The following DLGAP2 variants were observed in gnomAD, a reference collection of about 807,000 sequenced individuals.
The protein encoded by DLGAP2 is disks large-associated protein 2.
In DLGAP2, 26 loss-of-function variants were observed where a neutral mutation model predicts 100.3. That is an observed-to-expected ratio of 0.26 (90% confidence interval 0.19 to 0.36). The LOEUF (loss-of-function observed/expected upper bound fraction) is 0.36. Among genes scored for constraint, DLGAP2 ranks in the 10% least tolerant of loss-of-function variants. The pLI, the probability that DLGAP2 is intolerant of heterozygous loss-of-function variation, is 1.00. For missense variants in DLGAP2, 1,858 were observed against 1,453.2 expected (o/e 1.28, Z -4.53); for synonymous variants, 886 against 630.1 (o/e 1.41, Z -6.08).
chr8:1,380,992 T>G (rs1273697344), intron 3 of DLGAP2: 2 of 149,492 alleles, frequency 1.3e-5, no homozygotes, highest in Non-Finnish European at 3.0e-5. Flanking sequence ...AAAAGGTTAT[T>G]CTTTACATTT....
chr8:855,355 T>TACGGTCAGGA (rs1232565901), intron 1 of DLGAP2, among the ~76,000 whole-genome samples: 1 of 152,188 alleles, frequency 6.6e-6, no homozygotes, highest in Non-Finnish European at 1.5e-5. Context: ...GCGTTCTCTG[T>TACGGTCAGGA]GCTCCCCACT....
chr8:1,552,335 C>T (rs187093444), intron 5 of DLGAP2, among the ~76,000 whole-genome samples: 14 of 152,334 alleles, frequency 9.2e-5, no homozygotes, highest in East Asian at 1.9e-4. Flanking sequence ...TCCCCACATC[C>T]GCCTCCCAGT....
chr8:966,307 A>G (rs1799869522), intron 2 of DLGAP2, among the ~76,000 whole-genome samples: 1 of 152,188 alleles, frequency 6.6e-6, no homozygotes, highest in South Asian at 2.1e-4. Flanking sequence ...GTAACTTTGA[A>G]CACTTGATCA....
intron 3 of DLGAP2, among the ~76,000 whole-genome samples, chr8:1,408,601 A>G (rs1796642217): frequency 6.6e-6 from 1 of 152,186 alleles, no homozygotes; most frequent in African/African-American, 2.4e-5. Context: ...TGGAGTTTCT[A>G]AGCCTGTTTT....
intron 12 of DLGAP2, among the ~76,000 whole-genome samples, chr8:1,682,710 G>C (rs1798986124): frequency 6.6e-6 from 1 of 151,504 alleles, no homozygotes; most frequent in Non-Finnish European, 1.5e-5. Flanking sequence ...CTGGCCTCAA[G>C]TGATCTGCCC....
intron 1 of DLGAP2, among the ~76,000 whole-genome samples, chr8:848,893 G>T (rs1246153815): frequency 2.9e-5 from 4 of 135,920 alleles, no homozygotes; most frequent in African/African-American, 7.8e-5. Flanking sequence ...GCATAGGAAC[G>T]CGCGGTGCCT....
rs550719855 is a variant in DLGAP2, at chr8:772,332, A to AT, written c.18+34515dup. ...CATAATCATTATATTAATATTAATA[A>AT]TTTTTTTTGAGACAGAGTCTTGCTC... is the stretch of plus-strand genomic sequence containing the variant. On this transcript the variant is annotated intron_variant, in intron 1 of 14. Transcript: ENST00000637795. Among the ~76,000 whole-genome samples, 271 of 151,264 alleles carry AT rather than the reference A, an allele frequency of 1.8e-3. 3 individuals are homozygous for AT. Among genetic ancestry groups the AT allele is most frequent in the African/African-American group, 6.4e-3 (262 of 41,218 alleles).
intron 2 of DLGAP2, among the ~76,000 whole-genome samples, chr8:961,573 C>T (rs903288528): frequency 6.6e-6 from 1 of 152,216 alleles, no homozygotes; most frequent in Non-Finnish European, 1.5e-5. Context: ...GGCTGTGCAA[C>T]AGTGGGACCT....
intron 3 of DLGAP2, among the ~76,000 whole-genome samples, chr8:1,274,619 T>C (rs1026825881): frequency 1.3e-4 from 20 of 151,912 alleles, no homozygotes; most frequent in African/African-American, 4.8e-4. Flanking sequence ...ATGAGTGACT[T>C]TGGATTTGTT....
intron 6 of DLGAP2, among the ~76,000 whole-genome samples, chr8:1,579,740 A>T (rs1051248011): frequency 5.9e-5 from 9 of 152,252 alleles, no homozygotes; most frequent in African/African-American, 1.9e-4. Context: ...CCTGAGAAGC[A>T]TGCAAAGACG....
intron 2 of DLGAP2, among the ~76,000 whole-genome samples, chr8:924,682 A>C (rs1030714135): frequency 6.6e-6 from 1 of 151,730 alleles, no homozygotes; most frequent in Non-Finnish European, 1.5e-5. Flanking sequence ...TCCTGGATTC[A>C]AGGGATTTTC....
intron 6 of DLGAP2, among the ~76,000 whole-genome samples, chr8:1,592,895 T>C (rs1238632030): frequency 6.6e-6 from 1 of 152,190 alleles, no homozygotes; most frequent in Non-Finnish European, 1.5e-5. Flanking sequence ...CATTTTAGTT[T>C]CAAATGGATG....
chr8:791,818 T>G (rs1331198595), intron 1 of DLGAP2, among the ~76,000 whole-genome samples: 1 of 152,234 alleles, frequency 6.6e-6, no homozygotes, highest in Non-Finnish European at 1.5e-5. Context: ...TCTTGTTGCT[T>G]GAGCTCACGC....
At chr8:1,126,202 G>A (rs192456431) in intron 2 of DLGAP2, among the ~76,000 whole-genome samples, 1 of 152,366 alleles carries the variant, frequency 6.6e-6, no homozygotes, top group Admixed American at 6.5e-5. Flanking sequence ...CTTTGGCAGA[G>A]CCATGGATTT....
At position 1,213,470 on chromosome 8, in the gene DLGAP2, C is replaced by G. The variant is rs114905664; in HGVS notation, c.74-45381C>G. Among the ~76,000 whole-genome samples the G allele has an allele frequency of 6.3e-3, 961 of 152,262 alleles. 7 individuals carry two copies. Among genetic ancestry groups the G allele is most frequent in the African/African-American group, 0.023 (937 of 41,530 alleles). ...AATGTCCTTAATGTCCCAGAGTACTCACCATATTGCTCACATTATAATGTT... is the reference window on the plus strand; with the variant it reads ...AATGTCCTTAATGTCCCAGAGTACTGACCATATTGCTCACATTATAATGTT... On this transcript the variant is annotated intron_variant, in intron 2 of 14. Transcript: ENST00000637795.
At chr8:1,414,664 C>T (rs959999461) in intron 3 of DLGAP2, among the ~76,000 whole-genome samples, 1 of 148,400 alleles carries the variant, frequency 6.7e-6, no homozygotes, top group Non-Finnish European at 1.5e-5. Flanking sequence ...TCCAGGCGTC[C>T]TCTGCCCTCA....
At chr8:851,735 C>T (rs1797185493) in intron 1 of DLGAP2, among the ~76,000 whole-genome samples, 1 of 152,126 alleles carries the variant, frequency 6.6e-6, no homozygotes, top group Admixed American at 6.5e-5. Flanking sequence ...TAGATTTCCT[C>T]CCTCATTTAA....
At position 805,686 on chromosome 8, in the gene DLGAP2, C is replaced by T. The variant is rs6991348; in HGVS notation, c.18+67861C>T. 7.3e-3 allele frequency among the ~76,000 whole-genome samples: 1,114 copies of T among 152,238 alleles called. 12 individuals are homozygous for T. The highest frequency in any genetic ancestry group is 0.025 in the African/African-American group (1,033 of 41,534). ...GCAGTGGCACGATCTGGGCTCACTC[C>T]GCCTCCCAGGCTGAAGCAATCATCC... On this transcript the variant is annotated intron_variant, in intron 1 of 14. Transcript: ENST00000637795.
At chr8:750,450 A>G (rs955324025) in intron 1 of DLGAP2, among the ~76,000 whole-genome samples, 2 of 152,254 alleles carry the variant, frequency 1.3e-5, no homozygotes, top group African/African-American at 2.4e-5. Flanking sequence ...ACCGGTTAAT[A>G]CTCCAAATAT....
Sources: allele counts gnomAD v4.1 joint callset (sites outside exome capture counted in the v4.1 genomes callset), GRCh38; gene constraint gnomAD v4.1.1; transcripts MANE v1.5; gene names NCBI Gene and HGNC (gene_info 2026-07-23, HGNC 2026-07-21).